PODN: variants seen among roughly 807,000 people sequenced by gnomAD.
PODN encodes podocan proteoglycan.
A neutral mutation model predicts 52.7 loss-of-function variants in PODN; 40 were observed. The observed-to-expected ratio is 0.76, with a 90% CI of 0.59 to 0.99. The LOEUF (loss-of-function observed/expected upper bound fraction) is 0.99, where lower values mean the gene tolerates loss of function less well. PODN is among the 50% of genes least tolerant of loss of function. The pLI, the probability that PODN is intolerant of heterozygous loss-of-function variation, is 0.00. For synonymous variants in PODN, 396 were observed against 377.9 expected (o/e 1.05, Z -0.56); for missense variants, 720 against 815.1 (o/e 0.88, Z 1.42).
intron 3 of PODN, 147 bp downstream of exon 3, chr1:53,071,775 G>A (rs1644122399): frequency 5.3e-6 from 4 of 750,068 alleles, no homozygotes; most frequent in Non-Finnish European, 8.7e-6. Context: ...GCTAGCAGTG[G>A]GGCTGCATGA....
At chr1:53,066,387 AT>A (rs1282050163) in intron 1 of PODN, among the ~76,000 whole-genome samples, 2 of 152,178 alleles carry the variant, frequency 1.3e-5, no homozygotes, top group African/African-American at 4.8e-5. Flanking sequence ...AATAAATGGG[AT>A]TTGATGTCAT....
intron 3 of PODN, chr1:53,073,643 C>A (rs768731553): frequency 1.3e-5 from 2 of 152,152 alleles, no homozygotes; most frequent in African/African-American, 2.4e-5. Flanking sequence ...TAACATCTGA[C>A]TGGGATAGAA....
Position 53,077,229 on chromosome 1 carries a change from G to A in PODN, c.621G>A (p.Gly207=), listed in dbSNP as rs779244612. ...YLHNNKLADA[G]LPDNMFNGSS... is the part of the protein sequence containing the mutation. The stretch of plus-strand genomic sequence containing the variant: ...ACAACAACAAGCTGGCAGACGCCGG[G>A]CTGCCGGACAACATGTTCAACGGCT... Residue 207 remains glycine (G), a synonymous_variant, in exon 6 of 11, where the codon GGG becomes GGA. Coordinates refer to ENST00000312553, the MANE Select transcript of PODN (RefSeq NM_153703.5). The A allele has an allele frequency of 1.2e-6, 2 of 1,613,446 alleles. No homozygotes were observed. Among genetic ancestry groups the A allele is most frequent in the Admixed American group, 3.3e-5 (2 of 60,026 alleles).
At chr1:53,068,472 T>G (rs115670443) in intron 1 of PODN, among the ~76,000 whole-genome samples, 3 of 152,190 alleles carry the variant, frequency 2.0e-5, no homozygotes, top group Admixed American at 6.5e-5. Flanking sequence ...TGCTGCTCAC[T>G]TAGTGCAGCA....
intron 6 of PODN, 36 bp downstream of exon 6, chr1:53,077,382 C>T: frequency 6.2e-7 from 1 of 1,607,262 alleles, no homozygotes; most frequent in Non-Finnish European, 8.5e-7. Flanking sequence ...GCACAGCAGA[C>T]CCCACAGCCA....
intron 2 of PODN, among the ~76,000 whole-genome samples, chr1:53,070,589 C>T (rs72905175): frequency 0.14 from 20,974 of 152,232 alleles, 2,881 homozygotes; most frequent in African/African-American, 0.33. Context: ...TGTCTCCAGC[C>T]AAGGGGCAGG....
chr1:53,068,067 A>C lies in PODN; in HGVS notation c.-55-1734A>C, dbSNP rs1572258359. The stretch of plus-strand genomic sequence containing the variant: ...CAGACAATTAGTGGCAGGAAAAGCT[A>C]ACGTTTACTGAGCACTTACTATGTG... On this transcript the variant is annotated intron_variant, in intron 1 of 10. Coordinates refer to ENST00000312553, the MANE Select transcript of PODN (RefSeq NM_153703.5). Among the ~76,000 whole-genome samples, 3 of 152,262 alleles carry C rather than the reference A, an allele frequency of 2.0e-5. 1 individual carries two copies. The highest frequency in any genetic ancestry group is 2.0e-4 in the Admixed American group (3 of 15,294).
In PODN at chr1:53,069,840, A is replaced by C; in HGVS notation, c.-16A>C. The C allele has an allele frequency of 6.3e-7, 1 of 1,578,780 alleles. No homozygotes were observed. Among genetic ancestry groups the C allele is most frequent in the Non-Finnish European group, 8.6e-7 (1 of 1,162,854 alleles). On this transcript the variant is annotated 5_prime_UTR_variant, in exon 2 of 11. Transcript: ENST00000312553. ...GGCGCCCAGGCGCATCTGACTCGGC[A>C]CCCCCTGCAGGCACCATGGCCCAGA...
In PODN at chr1:53,077,767, T is replaced by C. The variant is rs745911178; in HGVS notation, c.821T>C (p.Leu274Pro). 1 of 1,613,648 alleles carries C rather than the reference T, an allele frequency of 6.2e-7. No homozygotes were observed. The highest frequency in any genetic ancestry group is 2.2e-5 in the East Asian group (1 of 44,866). Residue 274 changes from leucine to proline, a missense_variant, in exon 7 of 11, where the codon CTG becomes CCG. Physicochemically the swap from Leu to Pro is moderately conservative, Grantham distance 98. Transcript: ENST00000312553. ...GAGCTATACCTGCAGAACAACTACC[T>C]GACTGACGAGGGCCTGGACAACGAG... ...LRELYLQNNY[L>P]TDEGLDNETF...
intron 1 of PODN, among the ~76,000 whole-genome samples, chr1:53,065,995 CTTTTTT>C (rs780284767): frequency 8.7e-6 from 1 of 115,306 alleles, no homozygotes; most frequent in African/African-American, 3.7e-5. Flanking sequence ...TTCTAGAGGT[CTTTTTT>C]TTTTTTTTTT....
In PODN at chr1:53,078,952, A is replaced by G. The variant is rs758294511; in HGVS notation, c.1442A>G (p.Tyr481Cys). 3.2e-6 allele frequency: 5 copies of G among 1,583,824 alleles called. No homozygotes were observed. The highest frequency in any genetic ancestry group is 2.7e-5 in the African/African-American group (2 of 74,302). The part of the protein sequence containing the change: ...LVGMAQLREL[Y>C]LTSNRLRSRA... ...GGCATGGCTCAGCTGCGTGAGCTGTACCTCACCAGCAACCGACTGCGCAGC... is the reference window on the plus strand; with the variant it reads ...GGCATGGCTCAGCTGCGTGAGCTGTGCCTCACCAGCAACCGACTGCGCAGC... The change falls in exon 8 of 11, where the codon TAC (tyrosine) becomes TGC (cysteine). Residue 481 changes from tyrosine to cysteine, a missense_variant. By Grantham distance (194) the Tyr-to-Cys change is radical (BLOSUM62 -2). Coordinates refer to ENST00000312553, the MANE Select transcript of PODN (RefSeq NM_153703.5).
chr1:53,072,150 C>G (rs1212080098), intron 3 of PODN, among the ~76,000 whole-genome samples: 2 of 150,256 alleles, frequency 1.3e-5, no homozygotes, highest in Non-Finnish European at 3.0e-5. Flanking sequence ...TAAAAATAAG[C>G]AATGCACACA....
Position 53,079,035 on chromosome 1 carries a change from G to T in PODN, c.1512+13G>T. On this transcript the variant is annotated intron_variant, in intron 8 of 10. Coordinates refer to ENST00000312553, the MANE Select transcript of PODN (RefSeq NM_153703.5). The stretch of plus-strand genomic sequence containing the variant: ...CGCCCATCTGCAGGTAAGCGGAAGG[G>T]AGGGGGCTGAGCCATGCCCATGGAG... 6.6e-7 allele frequency: 1 copy of T among 1,515,826 alleles called. No homozygotes were observed. The allele number at this position is 1,515,826 out of a possible 1,614,324, so 93.9% of individuals were successfully genotyped here. A position where few individuals can be genotyped will look rare whatever the true frequency, so the allele number is the denominator to read the frequency against.
chr1:53,065,491 G>A (rs1644019073), intron 1 of PODN, among the ~76,000 whole-genome samples: 1 of 152,148 alleles, frequency 6.6e-6, no homozygotes, highest in African/African-American at 2.4e-5. Context: ...GAAGCTGGAG[G>A]GACCACTCTC....
At chr1:53,066,810 A>C (rs1026700516) in intron 1 of PODN, 3 of 1,546,206 alleles carry the variant, frequency 1.9e-6, no homozygotes, top group African/African-American at 2.7e-5. Context: ...TTATTGATGC[A>C]GTTTACAGAT....
At chr1:53,078,323 T>C in intron 7 of PODN, 42 bp from the exon 8 acceptor site, 1 of 1,550,870 alleles carries the variant, frequency 6.4e-7, no homozygotes, top group Non-Finnish European at 8.8e-7. Context: ...ACGAGCACAA[T>C]GTGGGCTCTT....
chr1:53,075,452 G>C (rs181328760), intron 4 of PODN, among the ~76,000 whole-genome samples: 1 of 152,136 alleles, frequency 6.6e-6, no homozygotes, highest in Non-Finnish European at 1.5e-5. Context: ...AGCTCTTACC[G>C]CACTGGCCCC....
chr1:53,075,726 C>T (rs1050460942), intron 4 of PODN, 136 bp from the exon 5 acceptor site: 6 of 697,416 alleles, frequency 8.6e-6, no homozygotes, highest in Admixed American at 6.8e-5. Context: ...GGGGGTGGGA[C>T]AAGTTTCAAT....
At chr1:53,080,657 G>T (rs932741719) in intron 8 of PODN, 71 bp from the exon 9 acceptor site, 2 of 1,516,336 alleles carry the variant, frequency 1.3e-6, no homozygotes, top group African/African-American at 2.8e-5. Context: ...TGGGGGCTTG[G>T]TGGGAGTTTT....
Sources: gnomAD v4.1 joint callset for allele counts (sites outside exome capture counted in the v4.1 genomes callset) on GRCh38, gnomAD v4.1.1 for gene constraint, MANE v1.5 for transcripts, NCBI Gene and HGNC (gene_info 2026-07-23, HGNC 2026-07-21) for gene names.